The following GABRR3 variants were observed in gnomAD, a reference collection of about 807,000 sequenced individuals.
The protein encoded by GABRR3 is gamma-aminobutyric acid type A receptor subunit rho3.
A neutral mutation model predicts 43.2 loss-of-function variants in GABRR3; 29 were observed. The observed-to-expected ratio is 0.67, with a 90% confidence interval of 0.50 to 0.92. The LOEUF (loss-of-function observed/expected upper bound fraction) is 0.92, where lower values mean the gene tolerates loss of function less well. Among genes scored for constraint, GABRR3 ranks in the 40% least tolerant of loss-of-function variants. The probability of loss-of-function intolerance (pLI) is 0.00; values close to 1 mark genes in which losing one functional copy is unlikely to be tolerated. For missense variants in GABRR3, 576 were observed against 572.3 expected, an observed-to-expected ratio of 1.01 and a Z score of -0.07; for synonymous variants, 206 against 195.9, an observed-to-expected ratio of 1.05 and a Z score of -0.43.
intron 4 of GABRR3, among the ~76,000 whole-genome samples, chr3:98,016,327 C>G (rs1375751900): frequency 1.3e-5 from 2 of 152,048 alleles, no homozygotes; most frequent in Admixed American, 1.3e-4. Context: ...CCTTCTTCAC[C>G]CCTGCCACCT....
downstream of GABRR3, among the ~76,000 whole-genome samples, chr3:97,986,012 G>C (rs563591084): frequency 6.6e-6 from 1 of 152,106 alleles, no homozygotes; most frequent in Non-Finnish European, 1.5e-5. Flanking sequence ...GACTACAGGC[G>C]TGTGCCACCA....
intron 5 of GABRR3, among the ~76,000 whole-genome samples, chr3:98,011,855 T>TC (rs1401465173): frequency 6.6e-6 from 1 of 152,192 alleles, no homozygotes; most frequent in Non-Finnish European, 1.5e-5. Flanking sequence ...GGAGGACTGT[T>TC]ATAGCAAAGT....
intron 2 of GABRR3, among the ~76,000 whole-genome samples, chr3:98,033,590 C>T (rs1384455264): frequency 6.6e-6 from 1 of 152,088 alleles, no homozygotes; most frequent in African/African-American, 2.4e-5. Context: ...ATCCACCAGA[C>T]TGTACAAGTC....
At chr3:98,030,940 A>C (rs1007532301) in intron 2 of GABRR3, among the ~76,000 whole-genome samples, 6 of 152,232 alleles carry the variant, frequency 3.9e-5, no homozygotes, top group South Asian at 2.1e-4. Flanking sequence ...GTAGTGGGAA[A>C]ATCAATTGGT....
chr3:98,031,255 G>C (rs1426123837), intron 2 of GABRR3, among the ~76,000 whole-genome samples: 1 of 152,160 alleles, frequency 6.6e-6, no homozygotes, highest in Non-Finnish European at 1.5e-5. Context: ...CAGATCACAA[G>C]CTCAGTGAGG....
chr3:98,008,508 C>T lies in GABRR3; in HGVS notation c.613+448G>A, dbSNP rs943672067. Among the ~76,000 whole-genome samples, 17 of 152,220 alleles carry T rather than the reference C, an allele frequency of 1.1e-4. No homozygotes were observed. The East Asian group carries it at 3.3e-3, about 29-fold the overall frequency. On this transcript the variant is annotated intron_variant, in intron 6 of 9. Coordinates refer to ENST00000621172, the Ensembl canonical transcript of GABRR3. The stretch of plus-strand genomic sequence containing the variant: ...GTAAAAGTGATTGACAGCTCAGATG[C>T]CCTGTGATGGGGCTTTGATTAGGGG...
At chr3:98,006,736 C>T (rs1230333421) in intron 7 of GABRR3, among the ~76,000 whole-genome samples, 1 of 152,072 alleles carries the variant, frequency 6.6e-6, no homozygotes, top group East Asian at 1.9e-4. Context: ...CTAAAATAAC[C>T]CAGAATATTA....
intron 2 of GABRR3, among the ~76,000 whole-genome samples, chr3:98,030,907 G>A (rs547935728): frequency 1.3e-5 from 2 of 152,338 alleles, no homozygotes; most frequent in South Asian, 4.1e-4. Flanking sequence ...ATACATGGAT[G>A]CAAATCCAAG....
At chr3:97,988,214 G>A (rs1278741226) in intron 9 of GABRR3, among the ~76,000 whole-genome samples, 1 of 151,874 alleles carries the variant, frequency 6.6e-6, no homozygotes, top group African/African-American at 2.4e-5. Context: ...ACAGAAGGAC[G>A]CATAATAGAT....
Position 98,001,488 on chromosome 3 carries a change from G to A in GABRR3, c.907+127C>T. 5.2e-6 allele frequency: 5 copies of A among 965,140 alleles called. No individual in the cohort carries two copies. The Admixed American group carries it at 1.3e-4, about 26-fold the overall frequency. The allele number at this position is 965,140 out of a possible 1,614,324, so 59.8% of individuals were successfully genotyped here. ...ATGTCAAGATCGATACTGCAACCTG[G>A]ATGTTCATCTCTGACTATCCCTACT... On this transcript the variant is annotated intron_variant, in intron 8 of 9. Transcript: ENST00000621172.
intron 3 of GABRR3, among the ~76,000 whole-genome samples, chr3:98,020,870 C>CTTTTTTT (rs59070712): frequency 6.8e-5 from 8 of 117,438 alleles, no homozygotes; most frequent in Admixed American, 1.8e-4. Flanking sequence ...TTTTCTTTTT[C>CTTTTTTT]TTTTTTTTTT....
rs2107236417 is a variant in GABRR3, at chr3:98,007,784, A to T, written c.734T>A (p.Leu245Ter). Reference sequence around the variant, plus strand: ...TGTACCTGTGCTGCTATAGAAAGCTAATCCACTAGATGCACTGAAGTCTTC... The same window carrying T: ...TGTACCTGTGCTGCTATAGAAAGCTTATCCACTAGATGCACTGAAGTCTTC... The change falls in exon 7 of 10, where the codon TTA becomes TAA. Residue 245 changes from leucine to a stop codon, truncating the protein, a stop_gained. Coordinates refer to ENST00000621172, the Ensembl canonical transcript of GABRR3. LOFTEE classifies it high-confidence loss of function. 1.2e-6 allele frequency: 2 copies of T among 1,613,668 alleles called. No individual in the cohort carries two copies. Among genetic ancestry groups the T allele is most frequent in the Non-Finnish European group, 1.7e-6 (2 of 1,179,770 alleles).
Position 97,986,695 on chromosome 3 carries a change from AC to A in GABRR3, c.1391del (p.Gly464ValfsTer?). The A allele has an allele frequency of 1.3e-6, 2 of 1,542,594 alleles. No homozygotes were observed. The highest frequency in any genetic ancestry group is 2.3e-5 in the East Asian group (1 of 42,590). ...TTGAAATTCCCCTTCATACATATAC[AC>A]CCCAGTAAAACAAATTAAATAAAAT... is the stretch of plus-strand genomic sequence containing the variant. On this transcript the variant is annotated frameshift_variant, in exon 10 of 10. Coordinates refer to ENST00000621172, the Ensembl canonical transcript of GABRR3. LOFTEE classifies it high-confidence loss of function.
chr3:98,030,039 TG>T (rs1373304064), intron 2 of GABRR3, among the ~76,000 whole-genome samples: 1 of 150,038 alleles, frequency 6.7e-6, no homozygotes, highest in African/African-American at 2.5e-5. Flanking sequence ...CACTTGAACC[TG>T]GGAGGCAGAG....
intron 9 of GABRR3, 39 bp from the exon 10 acceptor site, chr3:97,987,021 G>C (rs1283039023): frequency 7.5e-7 from 1 of 1,325,792 alleles, no homozygotes; most frequent in Non-Finnish European, 1.0e-6. Flanking sequence ...TCTTGAATAT[G>C]GTTTTACAAA....
chr3:97,996,928 G>A (rs942640700), intron 8 of GABRR3, among the ~76,000 whole-genome samples: 5 of 152,098 alleles, frequency 3.3e-5, no homozygotes, highest in Non-Finnish European at 7.4e-5. Flanking sequence ...AGTTAGCAAC[G>A]AAAAATATGG....
chr3:98,026,360 C>CA (rs1167992136), intron 2 of GABRR3, among the ~76,000 whole-genome samples: 1 of 152,152 alleles, frequency 6.6e-6, no homozygotes, highest in Non-Finnish European at 1.5e-5. Flanking sequence ...GGAAAGCAGG[C>CA]AGTGGCCTCT....
chr3:98,002,380 G>A (rs1460285465), intron 7 of GABRR3, among the ~76,000 whole-genome samples: 1 of 152,082 alleles, frequency 6.6e-6, no homozygotes, highest in Non-Finnish European at 1.5e-5. Context: ...ATAAACTCAC[G>A]TTGGTAATAT....
intron 2 of GABRR3, 137 bp downstream of exon 2, chr3:98,034,726 A>G: frequency 9.8e-7 from 1 of 1,022,832 alleles, no homozygotes; most frequent in Non-Finnish European, 1.4e-6. Flanking sequence ...TGATGCATGA[A>G]TGCTATCTCT....
Sources: allele counts gnomAD v4.1 joint callset (sites outside exome capture counted in the v4.1 genomes callset), GRCh38; gene constraint gnomAD v4.1.1; transcripts MANE v1.5; gene names NCBI Gene and HGNC (gene_info 2026-07-23, HGNC 2026-07-21).